Variants in DNAJB14 observed in about 807,000 individuals in gnomAD.
The protein encoded by DNAJB14 is DnaJ heat shock protein family (Hsp40) member B14, also known as dnaJ homolog subfamily B member 14.
DNAJB14 carries 22 observed loss-of-function variants against 48.4 expected under a neutral mutation model. The observed-to-expected ratio is 0.45, with a 90% CI of 0.32 to 0.65. The LOEUF is 0.65. DNAJB14 is among the 30% of genes least tolerant of loss of function. The probability of loss-of-function intolerance (pLI) is 0.03; values close to 1 mark genes in which losing one functional copy is unlikely to be tolerated. For synonymous variants in DNAJB14, 142 were observed against 158.7 expected (o/e 0.89, Z 0.79); for missense variants, 319 against 458.8 (o/e 0.70, Z 2.78).
At chr4:99,904,861 A>T (rs1198241960) in intron 6 of DNAJB14, among the ~76,000 whole-genome samples, 1 of 152,112 alleles carries the variant, frequency 6.6e-6, no homozygotes, top group Non-Finnish European at 1.5e-5. Flanking sequence ...ATGTCACAAA[A>T]AGTAACCACA....
intron 3 of DNAJB14, 49 bp downstream of exon 3, chr4:99,922,991 T>A: frequency 2.0e-6 from 3 of 1,532,794 alleles, no homozygotes; most frequent in Non-Finnish European, 2.6e-6. Context: ...CGCCGTAAAG[T>A]GAATTCTAAA....
rs555830353 is a variant in DNAJB14 at position 99,920,689 on chromosome 4, T to C, written c.451+2351A>G. 1.1e-4 allele frequency among the ~76,000 whole-genome samples: 16 copies of C among 152,332 alleles called. No individual in the cohort carries two copies. In the East Asian group the frequency reaches 2.5e-3, roughly 24 times the overall value. Reference sequence around the variant, plus strand: ...TATAATCCTAACTGGAAGGACAAAATAGCTATATGAACATATGAGTTCATT... The same window carrying C: ...TATAATCCTAACTGGAAGGACAAAACAGCTATATGAACATATGAGTTCATT... On this transcript the variant is annotated intron_variant, in intron 3 of 7. Coordinates refer to ENST00000442697, the MANE Select transcript of DNAJB14 (RefSeq NM_001031723.4).
chr4:99,896,311 A>G lies in DNAJB14; in HGVS notation c.*4717T>C, dbSNP rs1057366487. ...GATAAACTACAGAGACTGAAAGACA[A>G]AAATTCATATTTCATTCAGAACATT... is the stretch of plus-strand genomic sequence containing the variant. On this transcript the variant is annotated 3_prime_UTR_variant, in exon 8 of 8. Coordinates refer to ENST00000442697, the MANE Select transcript of DNAJB14 (RefSeq NM_001031723.4). 4.6e-5 allele frequency: 7 copies of G among 152,218 alleles called. No homozygotes were observed. The highest frequency in any genetic ancestry group is 1.7e-4 in the African/African-American group (7 of 41,468). The allele number at this position is 152,218 out of a possible 1,614,324, so 9.4% of individuals were successfully genotyped here.
At chr4:99,932,260 T>C (rs1268043238) in intron 1 of DNAJB14, among the ~76,000 whole-genome samples, 7 of 151,974 alleles carry the variant, frequency 4.6e-5, no homozygotes, top group African/African-American at 1.4e-4. Flanking sequence ...ACATACCTGA[T>C]TTTCAAAAAA....
intron 1 of DNAJB14, among the ~76,000 whole-genome samples, chr4:99,932,087 A>G (rs928357359): frequency 6.6e-6 from 1 of 152,130 alleles, no homozygotes; most frequent in African/African-American, 2.4e-5. Context: ...AAAATACAGA[A>G]GTAAATCTTC....
At chr4:99,912,593 C>A (rs1725704287) in intron 3 of DNAJB14, among the ~76,000 whole-genome samples, 1 of 152,160 alleles carries the variant, frequency 6.6e-6, no homozygotes, top group South Asian at 2.1e-4. Flanking sequence ...GATTCTCCTA[C>A]CTCAGCCTCC....
chr4:99,909,268 CT>C (rs1459030032), intron 3 of DNAJB14, among the ~76,000 whole-genome samples: 5 of 152,100 alleles, frequency 3.3e-5, no homozygotes, highest in Admixed American at 3.3e-4. Flanking sequence ...CACCCAATAC[CT>C]TATTACATTG....
At chr4:99,917,299 C>G (rs1725890698) in intron 3 of DNAJB14, among the ~76,000 whole-genome samples, 1 of 152,106 alleles carries the variant, frequency 6.6e-6, no homozygotes, top group South Asian at 2.1e-4. Flanking sequence ...GTGTCTTAGT[C>G]CATTCAGACT....
At position 99,897,644 on chromosome 4, in the gene DNAJB14, A is replaced by G. The variant is rs887228018; in HGVS notation, c.*3384T>C. Reference sequence around the variant, plus strand: ...GAATTTTATGGATTTTAACTAGGCAATGGTCCAATGTGGTCAACAGACATG... The same window carrying G: ...GAATTTTATGGATTTTAACTAGGCAGTGGTCCAATGTGGTCAACAGACATG... On this transcript the variant is annotated 3_prime_UTR_variant, in exon 8 of 8. Coordinates refer to ENST00000442697, the MANE Select transcript of DNAJB14 (RefSeq NM_001031723.4). The G allele has an allele frequency of 1.3e-5, 2 of 152,014 alleles. No homozygotes were observed. The highest frequency in any genetic ancestry group is 4.8e-5 in the African/African-American group (2 of 41,442). 9.4% of individuals were successfully genotyped at this position (152,014 alleles called of 1,614,324 possible). A position where few individuals can be genotyped will look rare whatever the true frequency, so the allele number is the denominator to read the frequency against.
Position 99,903,486 on chromosome 4 carries a change from ATTAC to A in DNAJB14, c.1015+236_1015+239del, listed in dbSNP as rs778657011. 3.6e-4 allele frequency among the ~76,000 whole-genome samples: 55 copies of A among 152,210 alleles called. 1 individual carries two copies. In the Middle Eastern group the frequency reaches 0.01, roughly 28 times the overall value. ...TATTATCAATACAATAAAATTTGGTATTACTTATTCAACCAAATATTTATTGATA... is the reference window on the plus strand; with the variant it reads ...TATTATCAATACAATAAAATTTGGTATTATTCAACCAAATATTTATTGATA... On this transcript the variant is annotated intron_variant, in intron 7 of 7. Coordinates refer to ENST00000442697, the MANE Select transcript of DNAJB14 (RefSeq NM_001031723.4).
chr4:99,940,609 A>T (rs1422965387), intron 1 of DNAJB14, among the ~76,000 whole-genome samples: 4 of 152,132 alleles, frequency 2.6e-5, no homozygotes, highest in Non-Finnish European at 5.9e-5. Flanking sequence ...ATAAATAAAT[A>T]AAATAACAAA....
At chr4:99,915,978 T>C (rs1167998779) in intron 3 of DNAJB14, among the ~76,000 whole-genome samples, 1 of 152,212 alleles carries the variant, frequency 6.6e-6, no homozygotes, top group African/African-American at 2.4e-5. Flanking sequence ...CATAATGTAC[T>C]TCTCTGGTAA....
intron 4 of DNAJB14, among the ~76,000 whole-genome samples, chr4:99,908,004 C>A (rs1386694117): frequency 6.6e-6 from 1 of 152,112 alleles, no homozygotes; most frequent in East Asian, 1.9e-4. Context: ...TTGTTTATAT[C>A]AATTAGCCTG....
At chr4:99,911,086 T>C (rs555781759) in intron 3 of DNAJB14, among the ~76,000 whole-genome samples, 1 of 152,246 alleles carries the variant, frequency 6.6e-6, no homozygotes, top group African/African-American at 2.4e-5. Flanking sequence ...GACAGTTTTG[T>C]CATTTCAAGA....
At chr4:99,945,864 T>C (rs1486374657) in intron 1 of DNAJB14, among the ~76,000 whole-genome samples, 1 of 152,214 alleles carries the variant, frequency 6.6e-6, no homozygotes, top group Non-Finnish European at 1.5e-5. Flanking sequence ...TCAGCAATCA[T>C]TACTGACTCT....
intron 1 of DNAJB14, among the ~76,000 whole-genome samples, chr4:99,937,986 G>A (rs1278014413): frequency 3.9e-4 from 59 of 150,344 alleles, no homozygotes; most frequent in Admixed American, 3.7e-3. Context: ...GGCCAGGCAC[G>A]GTGGCTCACG....
intron 3 of DNAJB14, among the ~76,000 whole-genome samples, chr4:99,914,794 C>T (rs1482099117): frequency 1.3e-5 from 2 of 152,152 alleles, no homozygotes; most frequent in Non-Finnish European, 2.9e-5. Flanking sequence ...CCCATCTCAT[C>T]TAACTTGTAA....
intron 3 of DNAJB14, among the ~76,000 whole-genome samples, chr4:99,910,774 A>AT (rs1193483442): frequency 6.6e-6 from 1 of 152,000 alleles, no homozygotes; most frequent in African/African-American, 2.4e-5. Flanking sequence ...TTTGGTATTC[A>AT]TAAGTTTTAC....
At chr4:99,911,495 A>G (rs1375414228) in intron 3 of DNAJB14, among the ~76,000 whole-genome samples, 2 of 152,156 alleles carry the variant, frequency 1.3e-5, no homozygotes, top group Non-Finnish European at 2.9e-5. Context: ...GTGTCATTAT[A>G]TATCCCATTA....
Sources: gnomAD v4.1 joint callset for allele counts (sites outside exome capture counted in the v4.1 genomes callset) on GRCh38, gnomAD v4.1.1 for gene constraint, MANE v1.5 for transcripts, NCBI Gene and HGNC (gene_info 2026-07-23, HGNC 2026-07-21) for gene names.